The following GPHN variants were observed in gnomAD, a reference collection of about 807,000 sequenced individuals.
GPHN encodes gephyrin.
In GPHN, 17 loss-of-function variants were observed where a neutral mutation model predicts 95.5. The observed-to-expected ratio is 0.18, with a 90% CI of 0.12 to 0.27. The LOEUF (loss-of-function observed/expected upper bound fraction) is 0.27. GPHN is among the 10% of genes least tolerant of loss of function. The pLI, the probability that GPHN is intolerant of heterozygous loss-of-function variation, is 1.00. For synonymous variants in GPHN, 320 were observed against 322.5 expected (o/e 0.99, Z 0.08); for missense variants, 660 against 978.1 (o/e 0.67, Z 4.34).
the GPHN span, chr14:67,651,511 C>CAGA: frequency 6.2e-7 from 1 of 1,610,512 alleles, no homozygotes; most frequent in East Asian, 2.2e-5. Flanking sequence ...GGGGAGTAGT[C>CAGA]AGAAGTTTGG....
chr14:67,545,945 T>TA, the GPHN span, among the ~76,000 whole-genome samples: 15,093 of 140,798 alleles, frequency 0.11, 778 homozygotes, highest in East Asian at 0.15. Flanking sequence ...GCTCTGCTGC[T>TA]AAAAAAAAAA....
chr14:67,186,675 T>G (rs922896879), downstream of GPHN, among the ~76,000 whole-genome samples: 5 of 152,194 alleles, frequency 3.3e-5, no homozygotes, highest in African/African-American at 9.6e-5. Context: ...TAGAACCAGT[T>G]GCTGTTGCCC....
At chr14:66,755,795 T>G (rs2153450144) in intron 2 of GPHN, among the ~76,000 whole-genome samples, 1 of 152,286 alleles carries the variant, frequency 6.6e-6, no homozygotes, top group South Asian at 2.1e-4. Flanking sequence ...AGGTACTAAT[T>G]TAAATGCATT....
chr14:67,474,327 T>C, the GPHN span, among the ~76,000 whole-genome samples: 1 of 151,958 alleles, frequency 6.6e-6, no homozygotes, highest in African/African-American at 2.4e-5. Context: ...TCTGCAACTC[T>C]ACCCAAATGC....
chr14:67,658,422 G>A, the GPHN span, among the ~76,000 whole-genome samples: 13,653 of 151,882 alleles, frequency 0.09, 867 homozygotes, highest in East Asian at 0.23. Context: ...GTGAAACCCC[G>A]TCTCTACTAA....
At chr14:67,280,853 T>TTCCTTCCCTCCTTCCCTCCCTCCC in the GPHN span, among the ~76,000 whole-genome samples, 1 of 77,608 alleles carries the variant, frequency 1.3e-5, no homozygotes, top group African/African-American at 1.0e-4. Flanking sequence ...CCTTCCTTCC[T>TTCCTTCCCTCCTTCCCTCCCTCCC]TCCCTCCCTC....
the GPHN span, chr14:67,642,158 C>G: frequency 1.9e-6 from 3 of 1,607,820 alleles, no homozygotes; most frequent in Non-Finnish European, 2.6e-6. Flanking sequence ...ACAGAAAATT[C>G]ATCTTGTCAT....
chr14:67,068,975 C>T (rs746056728), intron 11 of GPHN, among the ~76,000 whole-genome samples: 12 of 152,012 alleles, frequency 7.9e-5, no homozygotes, highest in Non-Finnish European at 1.5e-4. Context: ...AGTTCATTAA[C>T]TCTTCCTGAT....
intron 4 of GPHN, among the ~76,000 whole-genome samples, chr14:66,859,287 C>G (rs1328091724): frequency 6.6e-6 from 1 of 152,166 alleles, no homozygotes; most frequent in East Asian, 1.9e-4. Flanking sequence ...AACCCACCAT[C>G]CCCAGCTCCG....
At chr14:67,540,294 C>T in the GPHN span, among the ~76,000 whole-genome samples, 1 of 152,096 alleles carries the variant, frequency 6.6e-6, no homozygotes, top group African/African-American at 2.4e-5. Context: ...TATATTATTT[C>T]ACCTGTATAT....
the GPHN span, among the ~76,000 whole-genome samples, chr14:67,655,679 C>T: frequency 3.2e-4 from 48 of 152,162 alleles, no homozygotes; most frequent in African/African-American, 9.4e-4. Context: ...ATGATGTTTT[C>T]GTAAGAATAG....
chr14:67,362,725 T>C, the GPHN span, among the ~76,000 whole-genome samples: 1 of 152,202 alleles, frequency 6.6e-6, no homozygotes, highest in Non-Finnish European at 1.5e-5. Context: ...GTGACTTCGA[T>C]ATTGCGGAAT....
chr14:67,578,913 G>A, the GPHN span, among the ~76,000 whole-genome samples: 1 of 152,226 alleles, frequency 6.6e-6, no homozygotes, highest in Admixed American at 6.5e-5. The surrounding 1 kb of genome is among the most constrained non-coding windows in gnomAD (Gnocchi z 5.0). Context: ...CTATTCTGTT[G>A]TTATGTCCTC....
chr14:67,719,795 T>C, the GPHN span, among the ~76,000 whole-genome samples: 4 of 152,370 alleles, frequency 2.6e-5, no homozygotes, highest in African/African-American at 9.6e-5. Context: ...AATGTTTATT[T>C]ACTTAAGTTT....
At chr14:67,344,317 C>T in the GPHN span, among the ~76,000 whole-genome samples, 2 of 152,120 alleles carry the variant, frequency 1.3e-5, no homozygotes, top group Admixed American at 6.6e-5. Context: ...GGTGTCTTCC[C>T]GGGTCAATCC....
chr14:67,324,408 G>A, the GPHN span, among the ~76,000 whole-genome samples: 12 of 152,188 alleles, frequency 7.9e-5, no homozygotes, highest in South Asian at 1.7e-3. Context: ...CTGTATCAGA[G>A]TAACATGTTC....
the GPHN span, chr14:67,592,695 G>A: frequency 6.2e-7 from 1 of 1,604,658 alleles, no homozygotes; most frequent in Non-Finnish European, 8.5e-7. Flanking sequence ...TCAATAAGAT[G>A]CAGAGGTAGT....
chr14:67,587,731 A>C, the GPHN span: 1 of 166,316 alleles, frequency 6.0e-6, no homozygotes, highest in East Asian at 1.8e-4. Context: ...TATTTTTAGT[A>C]GAGACGGGGT....
intron 1 of GPHN, among the ~76,000 whole-genome samples, chr14:66,627,599 A>G (rs1207005415): frequency 6.6e-6 from 1 of 152,072 alleles, no homozygotes; most frequent in East Asian, 1.9e-4. Context: ...ATAGTATATA[A>G]ACTTTTAAAC....
Sources: allele counts gnomAD v4.1 joint callset (sites outside exome capture counted in the v4.1 genomes callset), GRCh38; gene constraint gnomAD v4.1.1; non-coding constraint Gnocchi (gnomAD v3.1); transcripts MANE v1.5; gene names NCBI Gene and HGNC (gene_info 2026-07-23, HGNC 2026-07-21).